TEP1: variants seen among roughly 807,000 people sequenced by gnomAD.
TEP1 encodes telomerase associated protein 1, also known as telomerase protein component 1.
In TEP1, 241 loss-of-function variants were observed where a neutral mutation model predicts 306.3. The observed-to-expected ratio is 0.79, with a 90% CI of 0.71 to 0.88. The LOEUF (loss-of-function observed/expected upper bound fraction) is 0.88. TEP1 is among the 40% of genes least tolerant of loss of function. The pLI is 0.00. For synonymous variants in TEP1, 1,289 were observed against 1,305.5 expected, an observed-to-expected ratio of 0.99 and a Z score of 0.27; for missense variants, 3,051 against 3,276.1, an observed-to-expected ratio of 0.93 and a Z score of 1.68.
rs1436472157 is a variant in TEP1 at position 20,408,608 on chromosome 14, T to A, written c.-24-145A>T. ...CAATGTTGTTTTTCCCAGGACTGGG[T>A]TCATCCAGAGAATATTCTAAGAGAG... On this transcript the variant is annotated intron_variant, in intron 1 of 54. Transcript: ENST00000262715. 8.9e-6 allele frequency: 6 copies of A among 677,098 alleles called. No homozygotes were observed. The Admixed American group carries it at 1.5e-4, about 17-fold the overall frequency. 41.9% of individuals were successfully genotyped at this position (677,098 alleles called of 1,614,324 possible).
intron 27 of TEP1, among the ~76,000 whole-genome samples, chr14:20,382,970 C>T (rs1183319023): frequency 6.6e-6 from 1 of 152,244 alleles, no homozygotes; most frequent in East Asian, 1.9e-4. Flanking sequence ...CCGAGAGGCC[C>T]TGGAAAGGCC....
chr14:20,396,664 C>G lies in TEP1; in HGVS notation c.1616G>C (p.Ser539Thr). Residue 539 changes from serine (S) to threonine (T), a missense_variant, in exon 10 of 55, where the codon AGT becomes ACT. This residue lies in a region of TEP1 where 1,507 missense variants were observed against 1,550.5 expected (regional missense o/e 0.97). Coordinates refer to ENST00000262715, the MANE Select transcript of TEP1 (RefSeq NM_007110.5). ...NLCNLLRVGI[S>T]SRHHELILQR... ...GAGAATGAGCTCATGGTGGCGGGAA[C>G]TGATTCCAACCCGCAGCAGGTTGCA... 6.2e-7 allele frequency: 1 copy of G among 1,612,142 alleles called. No individual in the cohort carries two copies. The highest frequency in any genetic ancestry group is 8.5e-7 in the Non-Finnish European group (1 of 1,178,370).
At chr14:20,403,651 A>G (rs1878937297) in intron 6 of TEP1, 72 bp downstream of exon 6, 2 of 1,605,716 alleles carry the variant, frequency 1.2e-6, no homozygotes, top group Admixed American at 3.3e-5. Context: ...ACTCCCCAGC[A>G]TCAGCATGCT....
rs865824729 is a variant in TEP1, at chr14:20,412,805, C to G, written c.-25+600G>C. ...TTCCGAGTAACTGGGATTACAGGCGCCCACCACCATGCCCGGCTAATTTTT... is the reference window on the plus strand; with the variant it reads ...TTCCGAGTAACTGGGATTACAGGCGGCCACCACCATGCCCGGCTAATTTTT... On this transcript the variant is annotated intron_variant, in intron 1 of 54. Coordinates refer to ENST00000262715, the MANE Select transcript of TEP1 (RefSeq NM_007110.5). Among the ~76,000 whole-genome samples the G allele has an allele frequency of 2.0e-5, 3 of 151,252 alleles. No homozygotes were observed. In the South Asian group the frequency reaches 6.3e-4, roughly 32 times the overall value.
At chr14:20,409,630 G>C (rs1057000017) in intron 1 of TEP1, among the ~76,000 whole-genome samples, 7 of 152,146 alleles carry the variant, frequency 4.6e-5, no homozygotes, top group Non-Finnish European at 7.3e-5. Flanking sequence ...TTGGAAGTGA[G>C]ACAGACTTTA....
chr14:20,373,267 CACCTGCTTCCTTAGGA>C lies in TEP1; in HGVS notation c.6801_6814+2del. 6.2e-7 allele frequency: 1 copy of C among 1,613,980 alleles called. No homozygotes were observed. Among genetic ancestry groups the C allele is most frequent in the Admixed American group, 1.7e-5 (1 of 60,020 alleles). On this transcript the variant is annotated splice_donor_variant and coding_sequence_variant, in exon 47 of 55. Transcript: ENST00000262715. LOFTEE classifies it high-confidence loss of function. The stretch of plus-strand genomic sequence containing the variant: ...ACCCTGTCTCTCTCCAAGCCTCACT[CACCTGCTTCCTTAGGA>C]ACCTGCCAGAGCCGTACAGAACCAT...
chr14:20,407,769 G>A, intron 2 of TEP1, 104 bp downstream of exon 2: 1 of 1,065,142 alleles, frequency 9.4e-7, no homozygotes, highest in Non-Finnish European at 1.4e-6. Flanking sequence ...AGAGAAGATA[G>A]CCAGACACAG....
In TEP1 at chr14:20,381,697, G is replaced by T; in HGVS notation, c.4425-11C>A. Reference sequence around the variant, plus strand: ...CCCTCCCCTAGCAAACTGTCCTCGTGTGAGGAAGGGAGAGAGAAGAAGGAA... The same window carrying T: ...CCCTCCCCTAGCAAACTGTCCTCGTTTGAGGAAGGGAGAGAGAAGAAGGAA... On this transcript the variant is annotated splice_polypyrimidine_tract_variant and intron_variant, in intron 30 of 54. Coordinates refer to ENST00000262715, the MANE Select transcript of TEP1 (RefSeq NM_007110.5). The surrounding 1 kb of genome is among the most constrained non-coding windows in gnomAD (Gnocchi z 4.0). 2 of 1,588,572 alleles carry T rather than the reference G, an allele frequency of 1.3e-6. No homozygotes were observed. Among genetic ancestry groups the T allele is most frequent in the Non-Finnish European group, 1.7e-6 (2 of 1,168,844 alleles).
In TEP1 at chr14:20,389,290, C is replaced by A; in HGVS notation, c.2473G>T (p.Asp825Tyr). The change falls in exon 17 of 55, where the codon GAT (aspartate) becomes TAT (tyrosine). Residue 825 changes from aspartate (D) to tyrosine (Y), a missense_variant. This residue lies in a region of TEP1 where 1,507 missense variants were observed against 1,550.5 expected (regional missense o/e 0.97). Coordinates refer to ENST00000262715, the MANE Select transcript of TEP1 (RefSeq NM_007110.5). ...AGTGTCACATCATTGGGATTCAAAT[C>A]TGTTGACCTGGCAAAGGAAGAAGCA... ...LLRRVQYLSTDLNPNDVTLSG... is the reference protein window; with the variant it reads ...LLRRVQYLSTYLNPNDVTLSG... 1.2e-6 allele frequency: 2 copies of A among 1,614,206 alleles called. No individual in the cohort carries two copies. Among genetic ancestry groups the A allele is most frequent in the South Asian group, 2.2e-5 (2 of 91,090 alleles).
chr14:20,380,593 C>T, intron 33 of TEP1, 118 bp from the exon 34 acceptor site: 2 of 1,416,726 alleles, frequency 1.4e-6, no homozygotes, highest in Non-Finnish European at 1.9e-6. Context: ...CCCTCTGGCC[C>T]TATATCAGGA....
In TEP1 at chr14:20,384,200, G is replaced by T; in HGVS notation, c.3372C>A (p.Ile1124=). The T allele has an allele frequency of 6.2e-7, 1 of 1,614,160 alleles. No homozygotes were observed. The highest frequency in any genetic ancestry group is 8.5e-7 in the Non-Finnish European group (1 of 1,180,008). Residue 1124 remains isoleucine (I), a synonymous_variant, in exon 24 of 55, where the codon ATC becomes ATA. Coordinates refer to ENST00000262715, the MANE Select transcript of TEP1 (RefSeq NM_007110.5). The stretch of plus-strand genomic sequence containing the variant: ...TGGCCTGGACCAAGTCATCGTCTGG[G>T]ATGGACACTGGCTGCTCCAGCAGGG... ...PGALLEQPVS[I]PDDDLVQATF... is the part of the protein sequence containing the mutation.
intron 1 of TEP1, among the ~76,000 whole-genome samples, chr14:20,411,804 A>T (rs369290809): frequency 6.6e-6 from 1 of 152,084 alleles, no homozygotes; most frequent in African/African-American, 2.4e-5. Context: ...AGAATGCTTG[A>T]ATTATACCAT....
intron 9 of TEP1, chr14:20,400,718 G>A (rs1340146552): frequency 4.7e-6 from 2 of 426,616 alleles, no homozygotes; most frequent in Non-Finnish European, 8.6e-6. Context: ...AGTACAATGA[G>A]AGAGAAGGTA....
intron 19 of TEP1, 92 bp downstream of exon 19, chr14:20,386,355 T>A: frequency 6.3e-7 from 1 of 1,575,342 alleles, no homozygotes; most frequent in Non-Finnish European, 8.6e-7. Flanking sequence ...TTCACCCTCA[T>A]CCATTCTTGC....
intron 17 of TEP1, among the ~76,000 whole-genome samples, chr14:20,388,839 C>G (rs189367961): frequency 6.6e-6 from 1 of 152,254 alleles, no homozygotes; most frequent in Non-Finnish European, 1.5e-5. Context: ...GAGGAGTGAA[C>G]TACCTCACTT....
intron 20 of TEP1, 74 bp downstream of exon 20, chr14:20,385,999 CAG>C (rs1476206911): frequency 6.6e-7 from 1 of 1,505,192 alleles, no homozygotes; most frequent in Non-Finnish European, 8.8e-7. Flanking sequence ...GGGTTTCTGA[CAG>C]AGTGTGGCTT....
intron 18 of TEP1, among the ~76,000 whole-genome samples, chr14:20,387,519 C>T (rs1384953049): frequency 7.0e-6 from 1 of 142,886 alleles, no homozygotes; most frequent in Non-Finnish European, 1.5e-5. Context: ...GCCACTGTAC[C>T]CCAGACTGGG....
At chr14:20,390,514 T>C (rs894953640) in intron 15 of TEP1, among the ~76,000 whole-genome samples, 167 bp downstream of exon 15, 7 of 152,198 alleles carry the variant, frequency 4.6e-5, no homozygotes, top group African/African-American at 1.7e-4. Flanking sequence ...CAGCTGGTTG[T>C]TAGATATTCA....
chr14:20,409,954 G>A (rs935851535), intron 1 of TEP1, among the ~76,000 whole-genome samples: 16 of 145,930 alleles, frequency 1.1e-4, no homozygotes, highest in East Asian at 6.2e-4. Context: ...CCAGGGAGGC[G>A]GAGCTTGCAG....
Sources: gnomAD v4.1 joint callset for allele counts (sites outside exome capture counted in the v4.1 genomes callset) on GRCh38, gnomAD v4.1.1 for gene constraint, gnomAD v4.1.1 regional missense constraint, Gnocchi (gnomAD v3.1) non-coding constraint, MANE v1.5 for transcripts, NCBI Gene and HGNC (gene_info 2026-07-23, HGNC 2026-07-21) for gene names.